ANO4: variants seen among roughly 807,000 people sequenced by gnomAD.
ANO4 encodes anoctamin 4.
A neutral mutation model predicts 141.9 loss-of-function variants in ANO4; 69 were observed. That is an observed-to-expected ratio of 0.49 (90% CI 0.40 to 0.59). The LOEUF is 0.59. Among genes scored for constraint, ANO4 ranks in the 20% least tolerant of loss-of-function variants. The probability of loss-of-function intolerance (pLI) is 0.00; values close to 1 mark genes in which losing one functional copy is unlikely to be tolerated. For missense variants in ANO4, 894 were observed against 1,162.2 expected (o/e 0.77, Z 3.36); for synonymous variants, 350 against 394.3 (o/e 0.89, Z 1.33).
rs192852678 is a variant in ANO4 at position 100,914,995 on chromosome 12, T to A, written c.56-7231T>A. 2.8e-4 allele frequency among the ~76,000 whole-genome samples: 42 copies of A among 151,540 alleles called. No individual in the cohort carries two copies. In the East Asian group the frequency reaches 2.9e-3, roughly 11 times the overall value. On this transcript the variant is annotated intron_variant, in intron 2 of 27. Coordinates refer to ENST00000392977, the MANE Select transcript of ANO4 (RefSeq NM_001286615.2). ...ATGCCCAGCTAATTTTATTTTATATTTTTTTTTAGAGATGGAGGTCTTGCT... is the reference window on the plus strand; with the variant it reads ...ATGCCCAGCTAATTTTATTTTATATATTTTTTTAGAGATGGAGGTCTTGCT...
chr12:101,065,354 A>C (rs116610823), intron 14 of ANO4, among the ~76,000 whole-genome samples: 1,581 of 152,228 alleles, frequency 0.01, 31 homozygotes, highest in African/African-American at 0.036. Context: ...GTTGTTAATT[A>C]TAGTGTTATC....
At chr12:100,758,855 G>A (rs1369927882) in intron 3 of ANO4, among the ~76,000 whole-genome samples, 1 of 152,044 alleles carries the variant, frequency 6.6e-6, no homozygotes, top group East Asian at 1.9e-4. Context: ...TTTGGTTTGT[G>A]ACAACATTAC....
At chr12:100,811,859 C>T (rs1490486761) in intron 1 of ANO4, among the ~76,000 whole-genome samples, 2 of 152,142 alleles carry the variant, frequency 1.3e-5, no homozygotes, top group East Asian at 1.9e-4. Context: ...AAGATAGACT[C>T]CCCTAAACCA....
chr12:100,895,872 A>C (rs1367627675), intron 1 of ANO4, among the ~76,000 whole-genome samples: 3 of 151,862 alleles, frequency 2.0e-5, no homozygotes, highest in South Asian at 2.1e-4. Flanking sequence ...TTTGATTTTT[A>C]TTTATTAAAA....
Position 100,905,016 on chromosome 12 carries a change from T to A in ANO4, c.55+3176T>A, listed in dbSNP as rs944964432. Among the ~76,000 whole-genome samples, 6 of 152,194 alleles carry A rather than the reference T, an allele frequency of 3.9e-5. No individual in the cohort carries two copies. In the Middle Eastern group the frequency reaches 0.01, roughly 259 times the overall value. On this transcript the variant is annotated intron_variant, in intron 2 of 27. Transcript: ENST00000392977. ...AGAAGAGCAAAGGATGACTGAAAAGTTTTTTTGGCCTGAGTGAAATCAGCT... is the reference window on the plus strand; with the variant it reads ...AGAAGAGCAAAGGATGACTGAAAAGATTTTTTGGCCTGAGTGAAATCAGCT...
At chr12:101,070,381 T>A (rs1361425654) in intron 14 of ANO4, among the ~76,000 whole-genome samples, 1 of 152,186 alleles carries the variant, frequency 6.6e-6, no homozygotes, top group African/African-American at 2.4e-5. Context: ...TACAGTGAAC[T>A]CATTTTTGAC....
chr12:100,883,553 T>A (rs1261205281), intron 1 of ANO4, among the ~76,000 whole-genome samples: 1 of 152,254 alleles, frequency 6.6e-6, no homozygotes, highest in Non-Finnish European at 1.5e-5. Flanking sequence ...AGTGGCCTCT[T>A]GTACGTGCAT....
chr12:100,859,212 A>G (rs2038344471), intron 1 of ANO4: 1 of 152,154 alleles, frequency 6.6e-6, no homozygotes, highest in African/African-American at 2.4e-5. Flanking sequence ...ATATGGCCAT[A>G]TGACTTGACT....
chr12:100,723,216 GT>G (rs146648954), intron 1 of ANO4, among the ~76,000 whole-genome samples: 1 of 152,012 alleles, frequency 6.6e-6, no homozygotes, highest in Non-Finnish European at 1.5e-5. Flanking sequence ...AAAACGTTAT[GT>G]TTTTTTGTAA....
intron 19 of ANO4, 133 bp downstream of exon 19, chr12:101,096,780 C>T (rs778671228): frequency 1.5e-6 from 1 of 658,546 alleles, no homozygotes; most frequent in Non-Finnish European, 2.6e-6. Flanking sequence ...CATCCTCCTC[C>T]CTTCTCTTCC....
At chr12:100,900,273 C>T (rs2040530593) in intron 1 of ANO4, among the ~76,000 whole-genome samples, 1 of 151,694 alleles carries the variant, frequency 6.6e-6, no homozygotes, top group Non-Finnish European at 1.5e-5. Context: ...CCCACCCTCC[C>T]TCCTTCTTTC....
chr12:100,735,963 G>T (rs1404407871), intron 2 of ANO4, among the ~76,000 whole-genome samples: 1 of 152,194 alleles, frequency 6.6e-6, no homozygotes, highest in Non-Finnish European at 1.5e-5. Flanking sequence ...TACGTTGTGT[G>T]TGTTTGGAGG....
chr12:100,801,379 T>C, intron 1 of ANO4, among the ~76,000 whole-genome samples: 1 of 152,310 alleles, frequency 6.6e-6, no homozygotes, highest in Non-Finnish European at 1.5e-5. Flanking sequence ...TCATTAGAAA[T>C]TCTATTCAAA....
At chr12:100,788,323 A>T (rs1168688005) in intron 3 of ANO4, among the ~76,000 whole-genome samples, 1 of 152,140 alleles carries the variant, frequency 6.6e-6, no homozygotes, top group East Asian at 1.9e-4. Flanking sequence ...GATCTATTGA[A>T]CTTCCTGACT....
At chr12:101,096,275 GA>G (rs2049978528) in intron 18 of ANO4, among the ~76,000 whole-genome samples, 1 of 152,142 alleles carries the variant, frequency 6.6e-6, no homozygotes, top group Non-Finnish European at 1.5e-5. Flanking sequence ...TATCCTGTAA[GA>G]GTGGAACAGT....
chr12:100,830,403 C>T lies in ANO4; in HGVS notation c.-141+35376C>T, dbSNP rs115661249. ...CTGAGAAGATGAATGATGTTTAATG[C>T]GCTTTGAGAATTAGGCAGTGCTCGG... On this transcript the variant is annotated intron_variant, in intron 1 of 27. Coordinates refer to ENST00000392977, the MANE Select transcript of ANO4 (RefSeq NM_001286615.2). Among the ~76,000 whole-genome samples, 540 of 152,132 alleles carry T rather than the reference C, an allele frequency of 3.5e-3. 2 individuals carry two copies. Among genetic ancestry groups the T allele is most frequent in the African/African-American group, 8.5e-3 (352 of 41,538 alleles).
chr12:101,094,171 T>C (rs1394772602), intron 17 of ANO4, 85 bp from the exon 18 acceptor site: 4 of 1,066,890 alleles, frequency 3.7e-6, no homozygotes, highest in Middle Eastern at 2.4e-4. Context: ...TTTTGACTCG[T>C]GATTTGACTC....
chr12:101,116,575 A>T, intron 24 of ANO4, 104 bp from the exon 25 acceptor site: 1 of 1,519,132 alleles, frequency 6.6e-7, no homozygotes, highest in South Asian at 1.2e-5. Flanking sequence ...GGCCAGTTAA[A>T]GGCATTTACA....
At chr12:100,907,480 C>G (rs2040898867) in intron 2 of ANO4, among the ~76,000 whole-genome samples, 1 of 152,188 alleles carries the variant, frequency 6.6e-6, no homozygotes, top group Non-Finnish European at 1.5e-5. Flanking sequence ...TTATCAAAGT[C>G]CATCTGTTTC....
Sources: gnomAD v4.1 joint callset for allele counts (sites outside exome capture counted in the v4.1 genomes callset) on GRCh38, gnomAD v4.1.1 for gene constraint, MANE v1.5 for transcripts, NCBI Gene and HGNC (gene_info 2026-07-23, HGNC 2026-07-21) for gene names.